Variants in WARS2 observed in about 807,000 individuals in gnomAD.
The protein encoded by WARS2 is tryptophanyl tRNA synthetase 2, mitochondrial, also known as tryptophan--tRNA ligase, mitochondrial.
In WARS2, 28 loss-of-function variants were observed where a neutral mutation model predicts 36.5. The ratio of observed to expected loss-of-function variants is 0.77; its 90% CI spans 0.57 to 1.05. The LOEUF is 1.05. Ranked by LOEUF, WARS2 falls within the 50% of genes least tolerant of loss-of-function variation. The probability of loss-of-function intolerance (pLI) is 0.00; values close to 1 mark genes in which losing one functional copy is unlikely to be tolerated. For synonymous variants in WARS2, 174 were observed against 178.4 expected, an observed-to-expected ratio of 0.98 and a Z score of 0.20; for missense variants, 435 against 456.8, an observed-to-expected ratio of 0.95 and a Z score of 0.44.
At chr1:119,080,565 A>T (rs967764708) in intron 1 of WARS2, among the ~76,000 whole-genome samples, 1 of 152,202 alleles carries the variant, frequency 6.6e-6, no homozygotes, top group Non-Finnish European at 1.5e-5. Context: ...CTGTTAAAAA[A>T]ATACAGCCTC....
At chr1:119,054,114 AATT>A (rs1649585006) in intron 2 of WARS2, among the ~76,000 whole-genome samples, 2 of 150,240 alleles carry the variant, frequency 1.3e-5, no homozygotes, top group Middle Eastern at 3.5e-3. Context: ...TTTAATTATA[AATT>A]ATTGTTAAAT....
chr1:119,032,865 A>T lies in WARS2; in HGVS notation c.*46T>A. ...AGGAAAGCTGCCGTTATCAGAATGC[A>T]TGGAGTGCAAGGCACAAAAGCCTTG... On this transcript the variant is annotated 3_prime_UTR_variant, in exon 6 of 6. Coordinates refer to ENST00000235521, the MANE Select transcript of WARS2 (RefSeq NM_015836.4). 2 of 1,529,872 alleles carry T rather than the reference A, an allele frequency of 1.3e-6. No homozygotes were observed. The highest frequency in any genetic ancestry group is 2.0e-5 in the Admixed American group (1 of 50,310). The allele number at this position is 1,529,872 out of a possible 1,614,324, so 94.8% of individuals were successfully genotyped here.
intron 5 of WARS2, 34 bp downstream of exon 5, chr1:119,034,061 A>G: frequency 1.3e-6 from 2 of 1,568,718 alleles, no homozygotes; most frequent in East Asian, 4.5e-5. Context: ...TTTAGAATAT[A>G]CCCTGATGTA....
At chr1:119,093,666 T>C (rs1653211602) in intron 1 of WARS2, among the ~76,000 whole-genome samples, 1 of 152,086 alleles carries the variant, frequency 6.6e-6, no homozygotes, top group Admixed American at 6.6e-5. Context: ...TTAAGAAGCA[T>C]GCCCTGCCAA....
Position 119,060,338 on chromosome 1 carries a change from A to T in WARS2, c.349-14676T>A, listed in dbSNP as rs1650271815. Among the ~76,000 whole-genome samples the T allele has an allele frequency of 2.0e-5, 3 of 152,184 alleles. No homozygotes were observed. In the South Asian group the frequency reaches 6.2e-4, roughly 32 times the overall value. On this transcript the variant is annotated intron_variant, in intron 2 of 5. Coordinates refer to ENST00000235521, the MANE Select transcript of WARS2 (RefSeq NM_015836.4). ...CCCTTCCTGTCTTCCTGGCTTACTG[A>T]TGGCTGCCTTCATGCTATAACCCCA...
intron 3 of WARS2, 124 bp downstream of exon 3, chr1:119,045,458 G>A: frequency 3.9e-6 from 3 of 769,018 alleles, no homozygotes; most frequent in Non-Finnish European, 6.5e-6. Context: ...GGAGGTTAAA[G>A]ATGATGTTCC....
intron 1 of WARS2, among the ~76,000 whole-genome samples, chr1:119,118,560 A>C (rs1253408750): frequency 6.6e-6 from 1 of 152,194 alleles, no homozygotes; most frequent in Non-Finnish European, 1.5e-5. Flanking sequence ...CTAGATATCC[A>C]TATTTAAGAA....
chr1:119,096,599 C>T (rs587598139), intron 1 of WARS2, among the ~76,000 whole-genome samples: 1 of 152,204 alleles, frequency 6.6e-6, no homozygotes. Flanking sequence ...ATGCAATTTA[C>T]TTATGAGTTT....
At position 119,031,579 on chromosome 1, in the gene WARS2, T is replaced by TA. The variant is rs1255438728; in HGVS notation, c.*1331dup. 1.3e-5 allele frequency: 2 copies of TA among 152,214 alleles called. No individual in the cohort carries two copies. Among genetic ancestry groups the TA allele is most frequent in the East Asian group, 3.8e-4 (2 of 5,198 alleles). 9.4% of individuals were successfully genotyped at this position (152,214 alleles called of 1,614,324 possible). On this transcript the variant is annotated 3_prime_UTR_variant, in exon 6 of 6. Transcript: ENST00000235521. ...AAATGGTGATCATGGTCCTTACTGA[T>TA]AAAAAACTTATAAGCAATTTCTGTT... is the stretch of plus-strand genomic sequence containing the variant.
At chr1:119,041,625 C>T (rs1223730345) in intron 4 of WARS2, among the ~76,000 whole-genome samples, 1 of 152,160 alleles carries the variant, frequency 6.6e-6, no homozygotes, top group African/African-American at 2.4e-5. Flanking sequence ...ACTTCAGGTG[C>T]TCAATAGCCA....
At chr1:119,130,210 A>G (rs1415403106) in intron 1 of WARS2, among the ~76,000 whole-genome samples, 1 of 152,216 alleles carries the variant, frequency 6.6e-6, no homozygotes, top group Non-Finnish European at 1.5e-5. Flanking sequence ...TGAAGAAAGC[A>G]TACTCTTGAT....
chr1:119,093,912 T>C lies in WARS2; in HGVS notation c.91-17305A>G, dbSNP rs767572572. 1.6e-4 allele frequency among the ~76,000 whole-genome samples: 24 copies of C among 152,226 alleles called. 1 individual carries two copies. Among genetic ancestry groups the C allele is most frequent in the Non-Finnish European group, 2.4e-4 (16 of 68,046 alleles). Reference sequence around the variant, plus strand: ...ACACTGGCCTTCTCTTCCAAGACTGTGCAAGACCTGGGGCAATGCAGAGTA... The same window carrying C: ...ACACTGGCCTTCTCTTCCAAGACTGCGCAAGACCTGGGGCAATGCAGAGTA... On this transcript the variant is annotated intron_variant, in intron 1 of 5. Transcript: ENST00000235521.
At chr1:119,055,013 C>G (rs1205528395) in intron 2 of WARS2, among the ~76,000 whole-genome samples, 1 of 151,966 alleles carries the variant, frequency 6.6e-6, no homozygotes, top group Non-Finnish European at 1.5e-5. Flanking sequence ...GAACTTTATA[C>G]TTATAAATGG....
At chr1:119,083,124 G>A (rs1652335062) in intron 1 of WARS2, among the ~76,000 whole-genome samples, 1 of 152,172 alleles carries the variant, frequency 6.6e-6, no homozygotes, top group South Asian at 2.1e-4. Flanking sequence ...AGCTACTTGG[G>A]AGGCTGAGGC....
At chr1:119,094,125 C>A (rs587690871) in intron 1 of WARS2, among the ~76,000 whole-genome samples, 1 of 152,332 alleles carries the variant, frequency 6.6e-6, no homozygotes, top group African/African-American at 2.4e-5. Flanking sequence ...TCTAGGATCA[C>A]ATTTGCATTG....
rs143391642 is a variant in WARS2, at chr1:119,098,576, T to C, written c.91-21969A>G. ...CCTCAGCCTCCCGAGTCGCTAGCAT[T>C]ACAGGCGCCCGCCATCACGCGCAGC... On this transcript the variant is annotated intron_variant, in intron 1 of 5. Transcript: ENST00000235521. 2.0e-4 allele frequency among the ~76,000 whole-genome samples: 31 copies of C among 151,824 alleles called. No homozygotes were observed. In the East Asian group the frequency reaches 6.1e-3, roughly 30 times the overall value.
intron 1 of WARS2, among the ~76,000 whole-genome samples, chr1:119,086,178 C>T (rs899022065): frequency 5.9e-5 from 9 of 152,170 alleles, no homozygotes; most frequent in African/African-American, 2.2e-4. Flanking sequence ...AAAATTCTAA[C>T]ATTGATTTTC....
At chr1:119,098,767 C>T (rs900489890) in intron 1 of WARS2, among the ~76,000 whole-genome samples, 2 of 141,812 alleles carry the variant, frequency 1.4e-5, no homozygotes, top group African/African-American at 2.7e-5. Flanking sequence ...GACAGAGTCT[C>T]GCTCTGTCAC....
chr1:119,051,081 G>A (rs541516878), intron 2 of WARS2, among the ~76,000 whole-genome samples: 60 of 151,976 alleles, frequency 3.9e-4, no homozygotes, highest in African/African-American at 1.4e-3. Flanking sequence ...GTTTGTTATA[G>A]AGGTAAACTC....
Sources: allele counts gnomAD v4.1 joint callset (sites outside exome capture counted in the v4.1 genomes callset), GRCh38; gene constraint gnomAD v4.1.1; transcripts MANE v1.5; gene names NCBI Gene and HGNC (gene_info 2026-07-23, HGNC 2026-07-21).